Variants in NXPH1 observed in about 807,000 individuals in gnomAD.
NXPH1 encodes neurexophilin 1.
A neutral mutation model predicts 23.7 loss-of-function variants in NXPH1; 5 were observed. That is an observed-to-expected ratio of 0.21 (90% CI 0.11 to 0.44). The LOEUF (loss-of-function observed/expected upper bound fraction) is 0.44. Among genes scored for constraint, NXPH1 ranks in the 20% least tolerant of loss-of-function variants. The probability of loss-of-function intolerance (pLI) is 0.99; values close to 1 mark genes in which losing one functional copy is unlikely to be tolerated. For missense variants in NXPH1, 324 were observed against 321.6 expected (o/e 1.01, Z -0.06); for synonymous variants, 144 against 122.2 (o/e 1.18, Z -1.18).
intron 2 of NXPH1, among the ~76,000 whole-genome samples, chr7:8,582,004 G>A (rs1175189814): frequency 1.3e-5 from 2 of 152,180 alleles, no homozygotes; most frequent in Non-Finnish European, 2.9e-5. Context: ...GTGTGGGTGA[G>A]CAAGTGCTGG....
At chr7:8,528,404 G>A (rs1287818682) in intron 2 of NXPH1, among the ~76,000 whole-genome samples, 1 of 152,230 alleles carries the variant, frequency 6.6e-6, no homozygotes, top group African/African-American at 2.4e-5. Flanking sequence ...ACTTTGGTTT[G>A]CAGAAATGCT....
intron 2 of NXPH1, among the ~76,000 whole-genome samples, chr7:8,507,036 G>A (rs1453696068): frequency 2.0e-5 from 3 of 149,494 alleles, no homozygotes; most frequent in Non-Finnish European, 2.9e-5. Context: ...TGAGGGCAGA[G>A]GTCATCAGAA....
chr7:8,736,247 C>A (rs1185815933), intron 2 of NXPH1, among the ~76,000 whole-genome samples: 3 of 152,164 alleles, frequency 2.0e-5, no homozygotes, highest in Admixed American at 2.0e-4. Context: ...ATCTTTCCTC[C>A]TTTCTCCTGT....
chr7:8,580,933 A>G lies in NXPH1; in HGVS notation c.54+145166A>G, dbSNP rs527563163. On this transcript the variant is annotated intron_variant, in intron 2 of 2. Coordinates refer to ENST00000405863, the MANE Select transcript of NXPH1 (RefSeq NM_152745.3). Reference sequence around the variant, plus strand: ...TTTTCCTTTTTATTTGGATTTTTAAAAACATAACCATCAATTCTTCTAGTC... The same window carrying G: ...TTTTCCTTTTTATTTGGATTTTTAAGAACATAACCATCAATTCTTCTAGTC... Among the ~76,000 whole-genome samples the G allele has an allele frequency of 9.9e-5, 15 of 152,276 alleles. No individual in the cohort carries two copies. In the East Asian group the frequency reaches 2.9e-3, roughly 29 times the overall value.
At position 8,435,433 on chromosome 7, in the gene NXPH1, G is replaced by A. The variant is rs374416604; in HGVS notation, c.-110-171G>A. On this transcript the variant is annotated intron_variant, in intron 1 of 2. Coordinates refer to ENST00000405863, the MANE Select transcript of NXPH1 (RefSeq NM_152745.3). This position sits in a 1 kb window ranked among gnomAD's most constrained non-coding sequence, Gnocchi z 5.9. Reference sequence around the variant, plus strand: ...CCGCCCGCCTCCCCAGCTGCGGACCGCGCGCTTGCTGGTCTCAGGCGCTGG... The same window carrying A: ...CCGCCCGCCTCCCCAGCTGCGGACCACGCGCTTGCTGGTCTCAGGCGCTGG... The A allele has an allele frequency of 7.3e-5, 37 of 510,126 alleles. No individual in the cohort carries two copies. The East Asian group carries it at 8.2e-4, about 11-fold the overall frequency. The allele number at this position is 510,126 out of a possible 1,614,324, so 31.6% of individuals were successfully genotyped here. A position where few individuals can be genotyped will look rare whatever the true frequency, so the allele number is the denominator to read the frequency against.
intron 2 of NXPH1, among the ~76,000 whole-genome samples, chr7:8,700,032 A>G (rs1450276392): frequency 6.6e-6 from 1 of 152,154 alleles, no homozygotes; most frequent in East Asian, 1.9e-4. Context: ...ACCTCAACCA[A>G]ATGAATGGTG....
At chr7:8,437,545 TG>T (rs949250184) in intron 2 of NXPH1, among the ~76,000 whole-genome samples, 10 of 152,216 alleles carry the variant, frequency 6.6e-5, no homozygotes, top group African/African-American at 2.2e-4. Flanking sequence ...CTTGTGGCTA[TG>T]GTGCAGTTTA....
intron 2 of NXPH1, among the ~76,000 whole-genome samples, chr7:8,472,727 G>T (rs1481729338): frequency 6.6e-6 from 1 of 152,138 alleles, no homozygotes; most frequent in Non-Finnish European, 1.5e-5. Context: ...CTCCTTCTCA[G>T]TCTTATAAAG....
At position 8,543,478 on chromosome 7, in the gene NXPH1, A is replaced by C. The variant is rs185949114; in HGVS notation, c.54+107711A>C. On this transcript the variant is annotated intron_variant, in intron 2 of 2. Transcript: ENST00000405863. ...GTTTTAAACTATAGTATACATTATAATTACTTGGGGGTGATTGTAACAATG... is the reference window on the plus strand; with the variant it reads ...GTTTTAAACTATAGTATACATTATACTTACTTGGGGGTGATTGTAACAATG... Among the ~76,000 whole-genome samples the C allele has an allele frequency of 2.0e-3, 308 of 151,704 alleles. 1 individual carries two copies. The highest frequency in any genetic ancestry group is 6.1e-3 in the African/African-American group (251 of 41,482).
rs190283005 is a variant in NXPH1, at chr7:8,750,657, G to A, written c.55-351G>A. ...TACTTTGCTTTATTCATGCTGGGTG[G>A]CCTTTTCTTCCATTAACCAGTGGTT... On this transcript the variant is annotated intron_variant, in intron 2 of 2. Coordinates refer to ENST00000405863, the MANE Select transcript of NXPH1 (RefSeq NM_152745.3). 3.2e-3 allele frequency among the ~76,000 whole-genome samples: 481 copies of A among 152,162 alleles called. 1 individual carries two copies. The highest frequency in any genetic ancestry group is 5.9e-3 in the Non-Finnish European group (401 of 67,998).
intron 2 of NXPH1, among the ~76,000 whole-genome samples, chr7:8,605,266 A>G (rs1330493286): frequency 1.3e-5 from 2 of 152,130 alleles, no homozygotes; most frequent in African/African-American, 4.8e-5. Context: ...GCAAAGGCTA[A>G]TACTCAACAG....
intron 2 of NXPH1, among the ~76,000 whole-genome samples, chr7:8,580,651 G>T (rs1818848290): frequency 6.6e-6 from 1 of 152,066 alleles, no homozygotes; most frequent in African/African-American, 2.4e-5. Context: ...GGAGAGCTTA[G>T]AATTCTGATT....
chr7:8,658,758 A>G (rs575690579), intron 2 of NXPH1, among the ~76,000 whole-genome samples: 1 of 152,266 alleles, frequency 6.6e-6, no homozygotes, highest in Non-Finnish European at 1.5e-5. Context: ...ACTCTAGTAG[A>G]AAAAAAGGTC....
intron 2 of NXPH1, among the ~76,000 whole-genome samples, chr7:8,440,560 T>C (rs1380489645): frequency 1.3e-5 from 2 of 152,210 alleles, no homozygotes; most frequent in Non-Finnish European, 2.9e-5. Context: ...TGGTTGATTT[T>C]TTTTTGAGAT....
At chr7:8,605,160 A>G (rs984175021) in intron 2 of NXPH1, among the ~76,000 whole-genome samples, 2 of 152,134 alleles carry the variant, frequency 1.3e-5, no homozygotes, top group African/African-American at 4.8e-5. Flanking sequence ...AATGCCTTAT[A>G]TTTGATGTGT....
At chr7:8,580,840 T>C (rs910438549) in intron 2 of NXPH1, among the ~76,000 whole-genome samples, 7 of 152,174 alleles carry the variant, frequency 4.6e-5, no homozygotes, top group African/African-American at 4.8e-5. Context: ...CAAATCTCTG[T>C]CCTTCTATCA....
At chr7:8,505,270 G>C (rs1214689592) in intron 2 of NXPH1, among the ~76,000 whole-genome samples, 7 of 151,850 alleles carry the variant, frequency 4.6e-5, no homozygotes, top group Admixed American at 4.6e-4. Flanking sequence ...GTCACTGCTT[G>C]GTTTTCAAAA....
intron 2 of NXPH1, among the ~76,000 whole-genome samples, chr7:8,436,646 G>T (rs777294528): frequency 6.6e-6 from 1 of 152,160 alleles, no homozygotes; most frequent in African/African-American, 2.4e-5. Context: ...GGGAATGGGG[G>T]TAAGGGACAC....
At chr7:8,504,804 C>A (rs1257560343) in intron 2 of NXPH1, among the ~76,000 whole-genome samples, 1 of 152,010 alleles carries the variant, frequency 6.6e-6, no homozygotes, top group Non-Finnish European at 1.5e-5. Context: ...CTCTGCTCTG[C>A]TAAGTGAGGA....
Sources: gnomAD v4.1 joint callset for allele counts (sites outside exome capture counted in the v4.1 genomes callset) on GRCh38, gnomAD v4.1.1 for gene constraint, Gnocchi (gnomAD v3.1) non-coding constraint, MANE v1.5 for transcripts, NCBI Gene and HGNC (gene_info 2026-07-23, HGNC 2026-07-21) for gene names.